OSBPL8: variants seen among roughly 807,000 people sequenced by gnomAD.
OSBPL8 encodes oxysterol binding protein like 8, also known as oxysterol-binding protein-related protein 8.
Under a neutral mutation model 125.5 loss-of-function variants are expected in OSBPL8, and 59 were observed. That is an observed-to-expected ratio of 0.47 (90% CI 0.38 to 0.58). The LOEUF is 0.58. Among genes scored for constraint, OSBPL8 ranks in the 20% least tolerant of loss-of-function variants. The pLI is 0.00. For synonymous variants in OSBPL8, 330 were observed against 338.9 expected (o/e 0.97, Z 0.29); for missense variants, 758 against 1,047.8 (o/e 0.72, Z 3.82).
At chr12:76,406,667 G>A (rs944846835) in intron 5 of OSBPL8, among the ~76,000 whole-genome samples, 1 of 152,192 alleles carries the variant, frequency 6.6e-6, no homozygotes, top group South Asian at 2.1e-4. Context: ...CCAGTCTGGA[G>A]TGCAGTGGTG....
At chr12:76,464,231 G>T (rs866010975) in intron 2 of OSBPL8, among the ~76,000 whole-genome samples, 1 of 152,060 alleles carries the variant, frequency 6.6e-6, no homozygotes, top group Non-Finnish European at 1.5e-5. Flanking sequence ...ATCCATGATC[G>T]CACCTGTGAA....
At chr12:76,380,377 T>C (rs1194260444) in intron 15 of OSBPL8, among the ~76,000 whole-genome samples, 2 of 152,058 alleles carry the variant, frequency 1.3e-5, no homozygotes, top group South Asian at 2.1e-4. Context: ...ATACATTATT[T>C]GGATGCTATT....
At chr12:76,419,967 C>A (rs944661815) in intron 4 of OSBPL8, among the ~76,000 whole-genome samples, 1 of 152,136 alleles carries the variant, frequency 6.6e-6, no homozygotes, top group Non-Finnish European at 1.5e-5. Context: ...CTTTTTCCTG[C>A]TAATGCAATG....
chr12:76,488,036 A>C (rs1878341519), intron 1 of OSBPL8, among the ~76,000 whole-genome samples: 1 of 152,230 alleles, frequency 6.6e-6, no homozygotes. Context: ...TTTTTGAAGG[A>C]CAATTAAAAA....
intron 2 of OSBPL8, among the ~76,000 whole-genome samples, chr12:76,477,921 T>C (rs1201334272): frequency 6.6e-6 from 1 of 151,884 alleles, no homozygotes; most frequent in South Asian, 2.1e-4. Flanking sequence ...AAAGAATTCA[T>C]GGCCGGGCAT....
intron 15 of OSBPL8, among the ~76,000 whole-genome samples, chr12:76,379,137 T>G (rs1240587945): frequency 6.6e-6 from 1 of 152,196 alleles, no homozygotes; most frequent in East Asian, 1.9e-4. Context: ...ATACTTAATC[T>G]TAATAAAACA....
chr12:76,415,754 C>A (rs910517569), intron 4 of OSBPL8, among the ~76,000 whole-genome samples: 1 of 152,010 alleles, frequency 6.6e-6, no homozygotes, highest in Non-Finnish European at 1.5e-5. Flanking sequence ...TTGATACTGG[C>A]TAATTGTATC....
rs1445721930 is a variant in OSBPL8, at chr12:76,351,816, T to C, written c.*4073A>G. On this transcript the variant is annotated 3_prime_UTR_variant, in exon 24 of 24. Coordinates refer to ENST00000261183, the MANE Select transcript of OSBPL8 (RefSeq NM_020841.5). The stretch of plus-strand genomic sequence containing the variant: ...TCACCGTTTGCTCTTTTTAAAAATT[T>C]TATTTAGAAGCCTACTTGTAGAAGT... The C allele has an allele frequency of 6.6e-6, 1 of 152,364 alleles. No individual in the cohort carries two copies. The highest frequency in any genetic ancestry group is 1.9e-4 in the East Asian group (1 of 5,192). 9.4% of individuals were successfully genotyped at this position (152,364 alleles called of 1,614,324 possible).
chr12:76,360,290 A>G (rs183144726), intron 21 of OSBPL8, among the ~76,000 whole-genome samples: 1 of 152,306 alleles, frequency 6.6e-6, no homozygotes, highest in Non-Finnish European at 1.5e-5. Context: ...CAAATTTTAA[A>G]GCTCCAAAAT....
intron 21 of OSBPL8, among the ~76,000 whole-genome samples, chr12:76,363,836 T>C (rs1952302242): frequency 6.6e-6 from 1 of 152,004 alleles, no homozygotes; most frequent in Non-Finnish European, 1.5e-5. Context: ...CATCAAAAAG[T>C]GGGCAAAGGA....
intron 14 of OSBPL8, among the ~76,000 whole-genome samples, chr12:76,384,676 CTCAA>C (rs1953225270): frequency 6.6e-6 from 1 of 152,266 alleles, no homozygotes; most frequent in East Asian, 1.9e-4. Flanking sequence ...CTGCCTATCT[CTCAA>C]TCATTAGTTC....
At chr12:76,386,778 T>C in intron 12 of OSBPL8, 118 bp from the exon 13 acceptor site, 1 of 646,176 alleles carries the variant, frequency 1.5e-6, no homozygotes, top group Non-Finnish European at 2.6e-6. Flanking sequence ...TTATTTTAAA[T>C]GGATGACAAA....
At chr12:76,437,626 T>A (rs1871627275) in intron 4 of OSBPL8, among the ~76,000 whole-genome samples, 1 of 152,184 alleles carries the variant, frequency 6.6e-6, no homozygotes, top group Non-Finnish European at 1.5e-5. Context: ...GTATCTTGAC[T>A]CTTCTTTGCT....
At chr12:76,358,272 G>A (rs1478798141) in intron 22 of OSBPL8, among the ~76,000 whole-genome samples, 7 of 142,250 alleles carry the variant, frequency 4.9e-5, no homozygotes, top group African/African-American at 7.8e-5. Context: ...TTCCATCTCC[G>A]GGGTTCAAGC....
At chr12:76,549,431 T>C (rs11114419) in intron 1 of OSBPL8, among the ~76,000 whole-genome samples, 74,660 of 152,094 alleles carry the variant, frequency 0.49, 20,090 homozygotes, top group East Asian at 0.9. Context: ...CTTCTTTTTT[T>C]CTTTTGAGAC....
chr12:76,505,474 A>C (rs569362416), intron 1 of OSBPL8, among the ~76,000 whole-genome samples: 2 of 152,282 alleles, frequency 1.3e-5, no homozygotes, highest in East Asian at 3.9e-4. Context: ...ACCTGACCTG[A>C]TAATTTTTTA....
At chr12:76,411,925 G>C (rs75115367) in intron 4 of OSBPL8, among the ~76,000 whole-genome samples, 1,749 of 152,208 alleles carry the variant, frequency 0.011, 40 homozygotes, top group African/African-American at 0.04. Flanking sequence ...CTACTGGTGA[G>C]AACATAGAGT....
chr12:76,493,124 C>T (rs35481841), intron 1 of OSBPL8, among the ~76,000 whole-genome samples: 77,161 of 151,938 alleles, frequency 0.51, 21,327 homozygotes, highest in African/African-American at 0.72. Flanking sequence ...AAGTCCATTG[C>T]CTTCTCTGAG....
chr12:76,538,325 T>C (rs1000355669), intron 1 of OSBPL8, among the ~76,000 whole-genome samples: 1 of 152,206 alleles, frequency 6.6e-6, no homozygotes, highest in Non-Finnish European at 1.5e-5. Context: ...CCACTAACTA[T>C]ATATTCACTA....
Sources: gnomAD v4.1 joint callset for allele counts (sites outside exome capture counted in the v4.1 genomes callset) on GRCh38, gnomAD v4.1.1 for gene constraint, MANE v1.5 for transcripts, NCBI Gene and HGNC (gene_info 2026-07-23, HGNC 2026-07-21) for gene names.